The following LTBP2 variants were observed in gnomAD, a reference collection of about 807,000 sequenced individuals.
LTBP2 encodes the protein latent-transforming growth factor beta-binding protein 2.
A neutral mutation model predicts 210.6 loss-of-function variants in LTBP2; 103 were observed. The observed-to-expected ratio is 0.49, with a 90% CI of 0.42 to 0.58. The LOEUF (loss-of-function observed/expected upper bound fraction) is 0.58. Ranked by LOEUF, LTBP2 falls within the 20% of genes least tolerant of loss-of-function variation. The pLI is 0.00. For missense variants in LTBP2, 2,313 were observed against 2,494.5 expected (o/e 0.93, Z 1.55); for synonymous variants, 1,007 against 1,015.0 (o/e 0.99, Z 0.15).
chr14:74,594,703 G>A (rs1285707112), intron 2 of LTBP2, among the ~76,000 whole-genome samples: 7 of 152,190 alleles, frequency 4.6e-5, no homozygotes, highest in Admixed American at 2.0e-4. Context: ...GCCCTGAGCT[G>A]TTTCTCCACA....
chr14:74,508,184 C>T, intron 24 of LTBP2, 89 bp from the exon 25 acceptor site: 3 of 1,502,896 alleles, frequency 2.0e-6, no homozygotes, highest in Non-Finnish European at 2.7e-6. Flanking sequence ...CTGAGTAGCC[C>T]ATAGGAGAGT....
At chr14:74,530,756 C>T (rs2087339693) in intron 10 of LTBP2, among the ~76,000 whole-genome samples, 1 of 152,220 alleles carries the variant, frequency 6.6e-6, no homozygotes, top group African/African-American at 2.4e-5. Flanking sequence ...CTCAAGTGGT[C>T]CACCTGCCTC....
chr14:74,584,608 G>C (rs542812109), intron 3 of LTBP2, among the ~76,000 whole-genome samples: 41 of 152,238 alleles, frequency 2.7e-4, no homozygotes, highest in Middle Eastern at 6.8e-3. Context: ...GGGACCCTTA[G>C]CTCTGCTCCT....
rs755396158 is a variant in LTBP2 at position 74,552,885 on chromosome 14, G to A, written c.1192+7C>T. On this transcript the variant is annotated splice_region_variant and intron_variant, in intron 5 of 35. Coordinates refer to ENST00000261978, the MANE Select transcript of LTBP2 (RefSeq NM_000428.3). The stretch of plus-strand genomic sequence containing the variant: ...CTGGGAACCATCTGAGCAGGAAAGG[G>A]ACTCACAGATGCGGAAGCCAGACTT... 8.7e-6 allele frequency: 14 copies of A among 1,610,968 alleles called. No individual in the cohort carries two copies. The East Asian group carries it at 2.7e-4, about 31-fold the overall frequency.
chr14:74,523,809 C>G (rs1484266040), intron 15 of LTBP2, among the ~76,000 whole-genome samples: 1 of 151,944 alleles, frequency 6.6e-6, no homozygotes, highest in Non-Finnish European at 1.5e-5. Context: ...CCCTGCCCCG[C>G]CCCCATAGCT....
chr14:74,550,109 G>A, intron 7 of LTBP2, 144 bp from the exon 8 acceptor site: 1 of 676,376 alleles, frequency 1.5e-6, no homozygotes, highest in African/African-American at 1.8e-5. Context: ...GGGGAGAAGG[G>A]AGTCAGCCCA....
chr14:74,511,415 G>A, intron 18 of LTBP2, 51 bp from the exon 19 acceptor site: 1 of 1,611,948 alleles, frequency 6.2e-7, no homozygotes, highest in East Asian at 2.2e-5. Flanking sequence ...ATAGCAAATG[G>A]GTAGGTCTGT....
At chr14:74,508,562 C>T in intron 24 of LTBP2, 42 bp downstream of exon 24, 1 of 1,588,854 alleles carries the variant, frequency 6.3e-7, no homozygotes, top group Non-Finnish European at 8.5e-7. Context: ...TGCTGGCTTC[C>T]CATGCTCCTG....
intron 17 of LTBP2, among the ~76,000 whole-genome samples, chr14:74,520,692 T>G (rs578204978): frequency 6.6e-6 from 1 of 152,202 alleles, no homozygotes; most frequent in South Asian, 2.1e-4. Flanking sequence ...TCCCAGCTAC[T>G]CAGGAGGCTG....
In LTBP2 at chr14:74,525,695, C is replaced by T. The variant is rs1245270362; in HGVS notation, c.2428+380G>A. ...TGAGCTCAGCCTTCCAATGTCTGAACCCAACACCAGTGACAGGCAAGTAGT... is the reference window on the plus strand; with the variant it reads ...TGAGCTCAGCCTTCCAATGTCTGAATCCAACACCAGTGACAGGCAAGTAGT... On this transcript the variant is annotated intron_variant, in intron 14 of 35. Transcript: ENST00000261978. Among the ~76,000 whole-genome samples the T allele has an allele frequency of 2.3e-4, 35 of 152,192 alleles. 2 individuals carry two copies. The highest frequency in any genetic ancestry group is 2.3e-3 in the Admixed American group (35 of 15,282).
chr14:74,502,076 A>C (rs2086917203), intron 34 of LTBP2: 1 of 278,192 alleles, frequency 3.6e-6, no homozygotes, highest in African/African-American at 2.2e-5. Flanking sequence ...CCTCCACCCC[A>C]TGGAAAAGGC....
chr14:74,526,211 C>T (rs1337518372), intron 13 of LTBP2, 97 bp from the exon 14 acceptor site: 1 of 1,202,684 alleles, frequency 8.3e-7, no homozygotes, highest in African/African-American at 1.5e-5. Context: ...GGCTTCCTAC[C>T]AGGAGCTCAT....
chr14:74,607,248 G>A (rs777436421), intron 1 of LTBP2, among the ~76,000 whole-genome samples: 3 of 152,192 alleles, frequency 2.0e-5, no homozygotes, highest in Non-Finnish European at 4.4e-5. Flanking sequence ...ACACACGCTA[G>A]TCCCCCTTCC....
chr14:74,515,360 G>A (rs1428745866), intron 18 of LTBP2, among the ~76,000 whole-genome samples: 1 of 150,026 alleles, frequency 6.7e-6, no homozygotes, highest in Non-Finnish European at 1.5e-5. Context: ...GGGTTCAAGT[G>A]ATTCTCCTGC....
intron 1 of LTBP2, among the ~76,000 whole-genome samples, chr14:74,609,847 T>C (rs556855299): frequency 6.6e-6 from 1 of 152,378 alleles, no homozygotes; most frequent in South Asian, 2.1e-4. Flanking sequence ...CCTTGGACTC[T>C]GGGCCTCCAT....
intron 3 of LTBP2, among the ~76,000 whole-genome samples, chr14:74,567,535 C>A (rs1566642680): frequency 6.6e-6 from 1 of 152,118 alleles, no homozygotes; most frequent in East Asian, 1.9e-4. Flanking sequence ...CCTAGCTTGC[C>A]CATGTGTCCA....
intron 10 of LTBP2, 31 bp downstream of exon 10, chr14:74,532,395 C>G (rs749231934): frequency 6.2e-7 from 1 of 1,612,838 alleles, no homozygotes; most frequent in South Asian, 1.1e-5. Flanking sequence ...CTCCCACTGT[C>G]CACCCCCACC....
chr14:74,553,776 T>A (rs1231700041), intron 4 of LTBP2, among the ~76,000 whole-genome samples: 1 of 152,094 alleles, frequency 6.6e-6, no homozygotes, highest in Non-Finnish European at 1.5e-5. Flanking sequence ...ATTGGGCTAT[T>A]AATTCAGTAC....
chr14:74,605,697 A>G (rs1044310961), intron 1 of LTBP2, among the ~76,000 whole-genome samples: 1 of 152,298 alleles, frequency 6.6e-6, no homozygotes, highest in East Asian at 1.9e-4. Flanking sequence ...AGGTCATGGC[A>G]TGGAGCCCAG....
Sources: gnomAD v4.1 joint callset for allele counts (sites outside exome capture counted in the v4.1 genomes callset) on GRCh38, gnomAD v4.1.1 for gene constraint, MANE v1.5 for transcripts, NCBI Gene and HGNC (gene_info 2026-07-23, HGNC 2026-07-21) for gene names.